Variants in HEPHL1 observed in about 807,000 individuals in gnomAD.
HEPHL1 encodes ferroxidase HEPHL1.
A neutral mutation model predicts 122.0 loss-of-function variants in HEPHL1; 123 were observed. That is an observed-to-expected ratio of 1.01 (90% CI 0.87 to 1.17). The LOEUF (loss-of-function observed/expected upper bound fraction) is 1.17, where lower values mean the gene tolerates loss of function less well. Ranked by LOEUF, HEPHL1 falls within the 50% of genes most tolerant of loss-of-function variation. The pLI, the probability that HEPHL1 is intolerant of heterozygous loss-of-function variation, is 0.00. For synonymous variants in HEPHL1, 527 were observed against 508.9 expected, an observed-to-expected ratio of 1.04 and a Z score of -0.48; for missense variants, 1,452 against 1,430.5, an observed-to-expected ratio of 1.01 and a Z score of -0.24.
chr11:94,107,399 A>G (rs1946417661), intron 17 of HEPHL1, among the ~76,000 whole-genome samples: 1 of 152,188 alleles, frequency 6.6e-6, no homozygotes, highest in Non-Finnish European at 1.5e-5. Context: ...ATTTACATAT[A>G]CACTTTAAAA....
intron 17 of HEPHL1, 80 bp downstream of exon 17, chr11:94,106,210 A>G: frequency 8.8e-7 from 1 of 1,136,106 alleles, no homozygotes; most frequent in East Asian, 2.4e-5. Flanking sequence ...AATAAGAGTT[A>G]CTTGGCAATA....
At chr11:94,070,233 C>CT in intron 5 of HEPHL1, 141 bp from the exon 6 acceptor site, 5 of 660,386 alleles carry the variant, frequency 7.6e-6, no homozygotes, top group African/African-American at 1.8e-5. Context: ...GCCATTTATC[C>CT]TTTTTAAAAA....
chr11:94,101,948 A>C (rs1946370809), intron 14 of HEPHL1, among the ~76,000 whole-genome samples: 1 of 152,200 alleles, frequency 6.6e-6, no homozygotes, highest in Non-Finnish European at 1.5e-5. Context: ...ATATTTTGAG[A>C]GTGAGAGTCT....
At position 94,063,626 on chromosome 11, in the gene HEPHL1, T is replaced by C; in HGVS notation, c.534T>C (p.Asp178=). Residue 178 remains aspartate, a synonymous_variant, in exon 3 of 20, where the codon GAT becomes GAC. Transcript: ENST00000315765. ...AAGAATATGCACCTACTCCAGCCGATGCCAACTGCCTGACCTGGGTGTACC... is the reference window on the plus strand; with the variant it reads ...AAGAATATGCACCTACTCCAGCCGACGCCAACTGCCTGACCTGGGTGTACC... ...VREEYAPTPA[D]ANCLTWVYHS... is the part of the protein sequence containing the mutation. 1 of 1,613,922 alleles carries C rather than the reference T, an allele frequency of 6.2e-7. No individual in the cohort carries two copies. Among genetic ancestry groups the C allele is most frequent in the Non-Finnish European group, 8.5e-7 (1 of 1,179,852 alleles).
At chr11:94,067,806 C>G in intron 5 of HEPHL1, 56 bp downstream of exon 5, 1 of 1,535,638 alleles carries the variant, frequency 6.5e-7, no homozygotes, top group South Asian at 1.1e-5. Flanking sequence ...TCAAACCACA[C>G]AGTCACTAGT....
In HEPHL1 at chr11:94,070,534, C is replaced by T. The variant is rs372427530; in HGVS notation, c.1224C>T (p.Ala408=). The change falls in exon 6 of 20, where the codon GCC becomes GCT. Residue 408 remains alanine, a synonymous_variant. Coordinates refer to ENST00000315765, the MANE Select transcript of HEPHL1 (RefSeq NM_001098672.2). The part of the protein sequence containing the change: ...YNKFSGLPLN[A]SGSDSDLYFT... ...AATTCAGTGGTCTTCCTCTAAACGC[C>T]TCTGGCAGGTAAGCACCCTTTGTTG... The T allele has an allele frequency of 9.5e-5, 153 of 1,609,406 alleles. No homozygotes were observed. Among genetic ancestry groups the T allele is most frequent in the Non-Finnish European group, 1.3e-4 (148 of 1,177,698 alleles).
chr11:94,057,886 TGTAG>T (rs1945952095), intron 2 of HEPHL1, among the ~76,000 whole-genome samples: 1 of 152,146 alleles, frequency 6.6e-6, no homozygotes, highest in African/African-American at 2.4e-5. Context: ...AAGAATATAA[TGTAG>T]CATATCTGGA....
intron 1 of HEPHL1, among the ~76,000 whole-genome samples, chr11:94,044,474 G>A (rs1945815670): frequency 6.6e-6 from 1 of 152,118 alleles, no homozygotes; most frequent in African/African-American, 2.4e-5. Context: ...ACCTCAGTGA[G>A]TCTCAGTGCT....
chr11:94,038,314 G>C (rs1222229785), intron 1 of HEPHL1, among the ~76,000 whole-genome samples: 1 of 144,172 alleles, frequency 6.9e-6, no homozygotes, highest in African/African-American at 2.6e-5. Context: ...TTATCCAGGA[G>C]AACTTCCCCA....
In HEPHL1 at chr11:94,048,548, G is replaced by A. The variant is rs375535338; in HGVS notation, c.415+2631G>A. ...CTAATTTTTAAAATTTTTTCATAGA[G>A]ATAGGATCTTGCTGTGTTGTCCTGG... is the stretch of plus-strand genomic sequence containing the variant. On this transcript the variant is annotated intron_variant, in intron 2 of 19. Coordinates refer to ENST00000315765, the MANE Select transcript of HEPHL1 (RefSeq NM_001098672.2). 2.2e-4 allele frequency among the ~76,000 whole-genome samples: 34 copies of A among 152,072 alleles called. 1 individual carries two copies. The highest frequency in any genetic ancestry group is 7.7e-4 in the African/African-American group (32 of 41,448).
chr11:94,086,046 A>T lies in HEPHL1; in HGVS notation c.1937A>T (p.His646Leu). 1 of 1,613,910 alleles carries T rather than the reference A, an allele frequency of 6.2e-7. No individual in the cohort carries two copies. Among genetic ancestry groups the T allele is most frequent in the Non-Finnish European group, 8.5e-7 (1 of 1,179,872 alleles). ...TGTAAAAGGGATAGAGTTTCCTGGC[A>T]TCTGATTGGATTGGGCACTGACACT... is the stretch of plus-strand genomic sequence containing the variant. ...NMCKRDRVSW[H>L]LIGLGTDTDM... is the part of the protein sequence containing the mutation. The change falls in exon 11 of 20, where the codon CAT (histidine) becomes CTT (leucine). Residue 646 changes from histidine (H) to leucine (L), a missense_variant. Coordinates refer to ENST00000315765, the MANE Select transcript of HEPHL1 (RefSeq NM_001098672.2).
At chr11:94,061,670 T>A (rs1945986055) in intron 2 of HEPHL1, among the ~76,000 whole-genome samples, 1 of 152,174 alleles carries the variant, frequency 6.6e-6, no homozygotes, top group African/African-American at 2.4e-5. Context: ...TAATTTAACT[T>A]TGAGTACAAA....
chr11:94,100,352 G>A (rs186584225), intron 13 of HEPHL1, among the ~76,000 whole-genome samples: 3 of 152,288 alleles, frequency 2.0e-5, no homozygotes, highest in African/African-American at 7.2e-5. Flanking sequence ...ATACCCAAGA[G>A]AGAGCCATAG....
At chr11:94,049,316 A>T (rs1591468875) in intron 2 of HEPHL1, among the ~76,000 whole-genome samples, 1 of 2,860 alleles carries the variant, frequency 3.5e-4, no homozygotes, top group Middle Eastern at 0.25. Flanking sequence ...GACAAAAAGT[A>T]CCCCCTCCAA....
intron 12 of HEPHL1, among the ~76,000 whole-genome samples, chr11:94,092,211 T>A (rs552613063): frequency 2.6e-5 from 4 of 152,292 alleles, no homozygotes; most frequent in African/African-American, 9.6e-5. Context: ...GAGATAAAAT[T>A]AAAAGATTTT....
rs563765479 is a variant in HEPHL1, at chr11:94,075,604, G to T, written c.1716+219G>T. Reference sequence around the variant, plus strand: ...GCCCACTCAGGAACCTAGAATCTCTGCTTGTTGTGGTTAGGATTTGGCAGG... The same window carrying T: ...GCCCACTCAGGAACCTAGAATCTCTTCTTGTTGTGGTTAGGATTTGGCAGG... On this transcript the variant is annotated intron_variant, in intron 9 of 19. Transcript: ENST00000315765. Among the ~76,000 whole-genome samples the T allele has an allele frequency of 2.0e-5, 3 of 152,262 alleles. No individual in the cohort carries two copies. In the South Asian group the frequency reaches 6.2e-4, roughly 32 times the overall value.
intron 8 of HEPHL1, 112 bp downstream of exon 8, chr11:94,073,551 G>A (rs1029867613): frequency 5.9e-6 from 6 of 1,017,128 alleles, no homozygotes; most frequent in African/African-American, 1.6e-5. Flanking sequence ...CTGAGAGCTT[G>A]GGCAATCACT....
chr11:94,035,534 T>A (rs541814987), intron 1 of HEPHL1, among the ~76,000 whole-genome samples: 1 of 152,328 alleles, frequency 6.6e-6, no homozygotes, highest in African/African-American at 2.4e-5. Flanking sequence ...AGGGTTCATG[T>A]GCACAACGTG....
intron 8 of HEPHL1, among the ~76,000 whole-genome samples, chr11:94,074,179 G>A (rs1490398438): frequency 6.6e-6 from 1 of 152,072 alleles, no homozygotes; most frequent in Admixed American, 6.6e-5. Flanking sequence ...GGGGACAGAA[G>A]AGAAAGGAAT....
Sources: gnomAD v4.1 joint callset for allele counts (sites outside exome capture counted in the v4.1 genomes callset) on GRCh38, gnomAD v4.1.1 for gene constraint, MANE v1.5 for transcripts, NCBI Gene and HGNC (gene_info 2026-07-23, HGNC 2026-07-21) for gene names.